Variants in CHRDL1 observed in about 807,000 individuals in gnomAD.
CHRDL1 encodes the protein chordin like 1, also known as chordin-like protein 1.
CHRDL1 carries 19 observed loss-of-function variants against 40.9 expected under a neutral mutation model. The observed-to-expected ratio is 0.46, with a 90% CI of 0.32 to 0.68. CHRDL1 has a LOEUF of 0.68. Among genes scored for constraint, CHRDL1 ranks in the 30% least tolerant of loss-of-function variants. The probability of loss-of-function intolerance (pLI) is 0.03; values close to 1 mark genes in which losing one functional copy is unlikely to be tolerated. For missense variants in CHRDL1, 329 were observed against 352.1 expected (o/e 0.93, Z 0.53); for synonymous variants, 136 against 123.4 (o/e 1.10, Z -0.68).
At chrX:110,693,965 C>T (rs750802078) in intron 8 of CHRDL1, among the ~76,000 whole-genome samples, 198 bp downstream of exon 8, 3 of 111,505 alleles carry the variant, frequency 2.7e-5, no homozygotes, top group Non-Finnish European at 5.6e-5. Context: ...CCGGACTATG[C>T]TCTTTTGGCT....
intron 4 of CHRDL1, among the ~76,000 whole-genome samples, chrX:110,756,102 C>A (rs2089448023): frequency 8.9e-6 from 1 of 111,953 alleles, no homozygotes; most frequent in African/African-American, 3.2e-5. Context: ...TAGCTGGTTG[C>A]ATTCTGGTTC....
At chrX:110,792,305 T>TA (rs1015291272) in intron 1 of CHRDL1, 90 bp from the exon 2 acceptor site, 588 of 369,071 alleles carry the variant, frequency 1.6e-3, no homozygotes, top group African/African-American at 2.2e-3. Flanking sequence ...CCTGCTAGAA[T>TA]AAAAAAAAAA....
In CHRDL1 at chrX:110,792,149, T is replaced by C; in HGVS notation, c.33A>G (p.Lys11=). Residue 11 remains lysine, a synonymous_variant, in exon 2 of 12, where the codon AAA becomes AAG. Coordinates refer to ENST00000372042, the MANE Select transcript of CHRDL1 (RefSeq NM_001143981.2). ...GAAAGAACAACAACGAAAAGATGTA[T>C]TTCATGCCTCCCATTTTCCACTTTT... The part of the protein sequence containing the change: MRKKWKMGGM[K]YIFSLLFFLL... The C allele has an allele frequency of 8.3e-7, 1 of 1,200,319 alleles. No individual in the cohort carries two copies. The highest frequency in any genetic ancestry group is 1.1e-6 in the Non-Finnish European group (1 of 886,526).
At chrX:110,767,648 A>C (rs866735051) in intron 2 of CHRDL1, among the ~76,000 whole-genome samples, 1 of 87,398 alleles carries the variant, frequency 1.1e-5, no homozygotes, top group Non-Finnish European at 2.4e-5. Context: ...AAATAAAATA[A>C]AATACTTAGG....
intron 4 of CHRDL1, among the ~76,000 whole-genome samples, chrX:110,729,423 G>T (rs766424647): frequency 9.1e-6 from 1 of 109,886 alleles, no homozygotes; most frequent in South Asian, 4.0e-4. Context: ...ACGATTTCTA[G>T]ATTTTCCCCA....
At chrX:110,710,584 T>C (rs760929363) in intron 6 of CHRDL1, among the ~76,000 whole-genome samples, 2 of 112,270 alleles carry the variant, frequency 1.8e-5, no homozygotes, top group Non-Finnish European at 3.8e-5. Context: ...AATGACTTTC[T>C]ATTCAAGAAG....
chrX:110,702,089 C>T lies in CHRDL1; in HGVS notation c.542-1368G>A, dbSNP rs1049928387. ...TAAAACACCACTTTGATTGTATAAT[C>T]GTGTCATTCCCTGATCAAAACCCTC... On this transcript the variant is annotated intron_variant, in intron 6 of 11. Transcript: ENST00000372042. Among the ~76,000 whole-genome samples, 36 of 110,982 alleles carry T rather than the reference C, an allele frequency of 3.2e-4. 2 individuals carry two copies. Among genetic ancestry groups the T allele is most frequent in the African/African-American group, 1.0e-3 (31 of 30,472 alleles).
chrX:110,745,884 G>A lies in CHRDL1; in HGVS notation c.301+13777C>T, dbSNP rs1036951148. ...CACCAACTTCTGGTTAGGAAGAGACGCCCTTCACTAGGCTTCTCTGACTAA... is the reference window on the plus strand; with the variant it reads ...CACCAACTTCTGGTTAGGAAGAGACACCCTTCACTAGGCTTCTCTGACTAA... On this transcript the variant is annotated intron_variant, in intron 4 of 11. Transcript: ENST00000372042. Among the ~76,000 whole-genome samples, 3 of 111,883 alleles carry A rather than the reference G, an allele frequency of 2.7e-5. No individual in the cohort carries two copies. In the East Asian group the frequency reaches 8.4e-4, roughly 31 times the overall value.
At chrX:110,788,499 T>C (rs899678515) in intron 2 of CHRDL1, among the ~76,000 whole-genome samples, 7 of 111,910 alleles carry the variant, frequency 6.3e-5, no homozygotes, top group African/African-American at 9.7e-5. Context: ...CCCTGCAAGA[T>C]AAAAAACTTT....
chrX:110,762,504 C>T (rs965241585), intron 3 of CHRDL1, among the ~76,000 whole-genome samples, 191 bp downstream of exon 3: 3 of 111,474 alleles, frequency 2.7e-5, no homozygotes, highest in South Asian at 3.9e-4. Context: ...CTAGAACTCC[C>T]GGGCTGAAGT....
chrX:110,694,346 G>A lies in CHRDL1; in HGVS notation c.610-15C>T. 1 of 1,180,830 alleles carries A rather than the reference G, an allele frequency of 8.5e-7. No homozygotes were observed. The highest frequency in any genetic ancestry group is 1.1e-6 in the Non-Finnish European group (1 of 872,128). ...TAAGAATGTCTCTGTAAAATAACAAGAACAAATTTAGTCCAAAAGCCACCA... is the reference window on the plus strand; with the variant it reads ...TAAGAATGTCTCTGTAAAATAACAAAAACAAATTTAGTCCAAAAGCCACCA... On this transcript the variant is annotated splice_polypyrimidine_tract_variant and intron_variant, in intron 7 of 11. Transcript: ENST00000372042.
At chrX:110,683,211 C>A (rs1200282877) in intron 9 of CHRDL1, among the ~76,000 whole-genome samples, 1 of 103,797 alleles carries the variant, frequency 9.6e-6, no homozygotes, top group African/African-American at 3.8e-5. Flanking sequence ...GATCTACAAA[C>A]AACAAAACTC....
intron 4 of CHRDL1, among the ~76,000 whole-genome samples, chrX:110,753,035 A>T: frequency 9.0e-6 from 1 of 111,572 alleles, no homozygotes; most frequent in South Asian, 3.8e-4. Flanking sequence ...TTACCATAAG[A>T]CCCAGAATTT....
chrX:110,755,183 A>AGT (rs2089431808), intron 4 of CHRDL1, among the ~76,000 whole-genome samples: 1 of 111,085 alleles, frequency 9.0e-6, no homozygotes, highest in South Asian at 3.8e-4. Context: ...TGCAGTCTTG[A>AGT]CTTTTCCATT....
chrX:110,764,557 C>T (rs144533049), intron 2 of CHRDL1, among the ~76,000 whole-genome samples: 2,773 of 111,831 alleles, frequency 0.025, 87 homozygotes, highest in African/African-American at 0.085. Context: ...GACTGTAAAA[C>T]ATGTGGGTTT....
intron 2 of CHRDL1, among the ~76,000 whole-genome samples, chrX:110,790,179 T>C (rs1394561421): frequency 8.9e-6 from 1 of 112,026 alleles, no homozygotes; most frequent in East Asian, 2.8e-4. Context: ...ACAGTTAGCT[T>C]GGGCATGGAC....
intron 2 of CHRDL1, among the ~76,000 whole-genome samples, chrX:110,770,252 T>C (rs1196395634): frequency 1.8e-5 from 2 of 112,293 alleles, no homozygotes; most frequent in Non-Finnish European, 3.8e-5. Flanking sequence ...AGTGTTATTT[T>C]ATAAACATTA....
chrX:110,779,301 C>A (rs1439934084), intron 2 of CHRDL1, among the ~76,000 whole-genome samples: 1 of 111,103 alleles, frequency 9.0e-6, no homozygotes, highest in African/African-American at 3.3e-5. Flanking sequence ...CTAAATTTTT[C>A]TCTTATATTA....
At chrX:110,791,786 G>A (rs1237072049) in intron 2 of CHRDL1, among the ~76,000 whole-genome samples, 2 of 111,917 alleles carry the variant, frequency 1.8e-5, no homozygotes, top group Non-Finnish European at 3.8e-5. Flanking sequence ...TATTTCTAGA[G>A]TTACGTAAAA....
Sources: gnomAD v4.1 joint callset for allele counts (sites outside exome capture counted in the v4.1 genomes callset) on GRCh38, gnomAD v4.1.1 for gene constraint, MANE v1.5 for transcripts, NCBI Gene and HGNC (gene_info 2026-07-23, HGNC 2026-07-21) for gene names.